FANCD2: variants seen among roughly 807,000 people sequenced by gnomAD.
FANCD2 encodes the protein Fanconi anemia group D2 protein.
In FANCD2, 131 loss-of-function variants were observed where a neutral mutation model predicts 192.3. The observed-to-expected ratio is 0.68, with a 90% CI of 0.59 to 0.79. The LOEUF (loss-of-function observed/expected upper bound fraction) is 0.79, where lower values mean the gene tolerates loss of function less well. FANCD2 is among the 30% of genes least tolerant of loss of function. The pLI, the probability that FANCD2 is intolerant of heterozygous loss-of-function variation, is 0.00. For missense variants in FANCD2, 1,508 were observed against 1,701.6 expected, an observed-to-expected ratio of 0.89 and a Z score of 2.00; for synonymous variants, 524 against 612.5, an observed-to-expected ratio of 0.86 and a Z score of 2.13.
intron 25 of FANCD2, among the ~76,000 whole-genome samples, chr3:10,066,887 G>A (rs1041264096): frequency 6.6e-6 from 1 of 152,086 alleles, no homozygotes; most frequent in Non-Finnish European, 1.5e-5. Flanking sequence ...ACCATGCCCA[G>A]CTAATTTTTG....
chr3:10,083,777 A>T (rs1164545907), intron 32 of FANCD2: 1 of 150,384 alleles, frequency 6.6e-6, no homozygotes, highest in African/African-American at 2.4e-5. Flanking sequence ...AGTCCCAGCT[A>T]CTCAAGAGGC....
Position 10,101,203 on chromosome 3 carries a change from G to A in FANCD2, c.4297G>A (p.Glu1433Lys), listed in dbSNP as rs755911397. The A allele has an allele frequency of 7.4e-6, 12 of 1,612,878 alleles. No individual in the cohort carries two copies. Among genetic ancestry groups the A allele is most frequent in the South Asian group, 2.2e-5 (2 of 91,056 alleles). The change falls in exon 44 of 44, where the codon GAA becomes AAA. Residue 1433 changes from glutamate (E) to lysine (K), a missense_variant. Physicochemically the swap from Glu to Lys is moderately conservative, Grantham distance 56. Coordinates refer to ENST00000675286, the MANE Select transcript of FANCD2 (RefSeq NM_001018115.3). ...SKATEDGEED[E>K]VSAGEKEQDS... is the part of the protein sequence containing the mutation. ...TGCCCCTTAGGATGGTGAAGAAGAC[G>A]AAGTAAGTGCTGGAGAAAAGGAGCA...
At chr3:10,053,392 CG>C (rs1237691269) in intron 18 of FANCD2, among the ~76,000 whole-genome samples, 1 of 50,062 alleles carries the variant, frequency 2.0e-5, no homozygotes, top group Non-Finnish European at 3.8e-5. Context: ...TGGGGGGAGG[CG>C]GGAGGGATAG....
chr3:10,061,494 A>T (rs557133482), intron 19 of FANCD2, among the ~76,000 whole-genome samples: 1 of 152,272 alleles, frequency 6.6e-6, no homozygotes, highest in South Asian at 2.1e-4. Flanking sequence ...TTATTAGCTG[A>T]ATTACCTTGG....
At chr3:10,052,941 T>A (rs1331493657) in intron 18 of FANCD2, among the ~76,000 whole-genome samples, 1 of 127,350 alleles carries the variant, frequency 7.9e-6, no homozygotes, top group Non-Finnish European at 1.6e-5. Context: ...GACTGTAAAC[T>A]AGTTCAACCA....
rs1283142313 is a variant in FANCD2 at position 10,032,894 on chromosome 3, G to C, written c.127G>C (p.Glu43Gln). Residue 43 changes from glutamate to glutamine, a missense_variant, in exon 3 of 44, where the codon GAA becomes CAA. Glu to Gln is a conservative substitution (Grantham distance 29, BLOSUM62 2). Coordinates refer to ENST00000675286, the MANE Select transcript of FANCD2 (RefSeq NM_001018115.3). ...ATCTCATATTGCTAATGAAGTTGAA[G>C]AAAATGACAGCATCTTTGTAAAGCT... is the stretch of plus-strand genomic sequence containing the variant. ...KKSHIANEVE[E>Q]NDSIFVKLLK... The C allele has an allele frequency of 6.2e-7, 1 of 1,608,740 alleles. No individual in the cohort carries two copies.
At chr3:10,060,216 G>C (rs2087526103) in intron 18 of FANCD2, 78 bp from the exon 19 acceptor site, 2 of 945,324 alleles carry the variant, frequency 2.1e-6, no homozygotes, top group Admixed American at 3.7e-5. Context: ...TTATAGTCTA[G>C]CTATATGGCT....
intron 34 of FANCD2, 83 bp from the exon 35 acceptor site, chr3:10,088,366 C>G: frequency 1.1e-6 from 1 of 870,218 alleles, no homozygotes; most frequent in East Asian, 2.4e-5. Flanking sequence ...TCCTTTTGAT[C>G]AATAATCATC....
chr3:10,033,129 G>A (rs1423365716), intron 3 of FANCD2, among the ~76,000 whole-genome samples, 157 bp downstream of exon 3: 3 of 152,186 alleles, frequency 2.0e-5, no homozygotes, highest in Non-Finnish European at 4.4e-5. Context: ...GGTACAGTCA[G>A]GCCGGGCGCG....
At chr3:10,072,722 T>C (rs1693325354) in intron 26 of FANCD2, 149 bp from the exon 27 acceptor site, 3 of 664,186 alleles carry the variant, frequency 4.5e-6, no homozygotes, top group Non-Finnish European at 8.3e-6. Context: ...GCCAAAACAA[T>C]GTCAGATGAC....
intron 43 of FANCD2, among the ~76,000 whole-genome samples, chr3:10,100,803 C>G (rs1695255579): frequency 6.6e-6 from 1 of 152,200 alleles, no homozygotes; most frequent in Non-Finnish European, 1.5e-5. Flanking sequence ...GGCGCAATGG[C>G]TCACGCCTGT....
chr3:10,059,598 C>T (rs1338055805), intron 18 of FANCD2, among the ~76,000 whole-genome samples: 2 of 151,942 alleles, frequency 1.3e-5, no homozygotes, highest in Non-Finnish European at 2.9e-5. Context: ...GTCAGGAGAT[C>T]GAGACCATCC....
chr3:10,098,855 T>C (rs1695135713), intron 43 of FANCD2, 40 bp downstream of exon 43: 1 of 1,614,114 alleles, frequency 6.2e-7, no homozygotes, highest in African/African-American at 1.3e-5. Flanking sequence ...CACTGATGGT[T>C]GCATTTTGTT....
rs1483970360 is a variant in FANCD2, at chr3:10,063,740, T to C, written c.1828-52T>C. The C allele has an allele frequency of 1.9e-6, 3 of 1,612,720 alleles. No homozygotes were observed. In the Admixed American group the frequency reaches 5.0e-5, roughly 27 times the overall value. Reference sequence around the variant, plus strand: ...CAGTCTTGAAAGGGGCGAGTGGAGTTTGGGAAAGATTGGCAGCCCAAGGTT... The same window carrying C: ...CAGTCTTGAAAGGGGCGAGTGGAGTCTGGGAAAGATTGGCAGCCCAAGGTT... On this transcript the variant is annotated intron_variant, in intron 20 of 43. Coordinates refer to ENST00000675286, the MANE Select transcript of FANCD2 (RefSeq NM_001018115.3).
rs1489664732 is a variant in FANCD2, at chr3:10,081,209, A to G, written c.3086A>G (p.Asn1029Ser). The G allele has an allele frequency of 6.2e-7, 1 of 1,614,198 alleles. No homozygotes were observed. The highest frequency in any genetic ancestry group is 1.7e-5 in the Admixed American group (1 of 60,028). The change falls in exon 31 of 44, where the codon AAC becomes AGC. Residue 1029 changes from asparagine (N) to serine (S), a missense_variant. By Grantham distance (46) the Asn-to-Ser change is conservative (BLOSUM62 1). Around this residue, in one of 5 missense-constraint regions of FANCD2, gnomAD observed 796 missense variants for 879.4 expected, o/e 0.91. Coordinates refer to ENST00000675286, the MANE Select transcript of FANCD2 (RefSeq NM_001018115.3). Reference sequence around the variant, plus strand: ...ACCCCAATGTGTAACCACCTGGAGAACATTCACAACTATTTTCAGGTCAGA... The same window carrying G: ...ACCCCAATGTGTAACCACCTGGAGAGCATTCACAACTATTTTCAGGTCAGA... Reference protein sequence around the residue: ...LLTPMCNHLENIHNYFQCLAA... With the variant: ...LLTPMCNHLESIHNYFQCLAA...
chr3:10,039,967 C>A, intron 9 of FANCD2, 122 bp downstream of exon 9: 1 of 1,053,236 alleles, frequency 9.5e-7, no homozygotes, highest in Non-Finnish European at 1.4e-6. Context: ...TACCCCCCTT[C>A]ATGAGTAGGG....
intron 21 of FANCD2, 82 bp downstream of exon 21, chr3:10,063,993 G>A (rs1452707650): frequency 6.3e-7 from 1 of 1,594,450 alleles, no homozygotes. Context: ...GTTGCAGTGT[G>A]AAAATAGATC....
chr3:10,090,776 A>T (rs113633744), intron 37 of FANCD2, among the ~76,000 whole-genome samples: 3 of 151,978 alleles, frequency 2.0e-5, no homozygotes, highest in African/African-American at 7.3e-5. Flanking sequence ...TGATTCTTCT[A>T]TGTCTTGGGT....
chr3:10,065,585 G>C lies in FANCD2; in HGVS notation c.2269+91G>C. Reference sequence around the variant, plus strand: ...GCAGATCAATACATGGTGTATGTGGGGAGGAATTTTCTAACTTCAGCAGAA... The same window carrying C: ...GCAGATCAATACATGGTGTATGTGGCGAGGAATTTTCTAACTTCAGCAGAA... On this transcript the variant is annotated intron_variant, in intron 24 of 43. Coordinates refer to ENST00000675286, the MANE Select transcript of FANCD2 (RefSeq NM_001018115.3). The C allele has an allele frequency of 4.5e-6, 4 of 898,294 alleles. No homozygotes were observed. In the East Asian group the frequency reaches 7.2e-5, roughly 16 times the overall value. 55.6% of individuals were successfully genotyped at this position (898,294 alleles called of 1,614,324 possible). A position where few individuals can be genotyped will look rare whatever the true frequency, so the allele number is the denominator to read the frequency against.
Sources: gnomAD v4.1 joint callset for allele counts (sites outside exome capture counted in the v4.1 genomes callset) on GRCh38, gnomAD v4.1.1 for gene constraint, gnomAD v4.1.1 regional missense constraint, MANE v1.5 for transcripts, NCBI Gene and HGNC (gene_info 2026-07-23, HGNC 2026-07-21) for gene names.